CCAR1: variants seen among roughly 807,000 people sequenced by gnomAD.
The protein encoded by CCAR1 is cell division cycle and apoptosis regulator 1, also known as cell division cycle and apoptosis regulator protein 1.
A neutral mutation model predicts 163.8 loss-of-function variants in CCAR1; 78 were observed. The observed-to-expected ratio is 0.48, with a 90% CI of 0.40 to 0.57. The LOEUF is 0.57. Ranked by LOEUF, CCAR1 falls within the 20% of genes least tolerant of loss-of-function variation. The pLI is 0.00. For missense variants in CCAR1, 1,019 were observed against 1,365.2 expected (o/e 0.75, Z 4.00); for synonymous variants, 443 against 460.7 (o/e 0.96, Z 0.49).
Position 68,723,084 on chromosome 10 carries a change from T to G in CCAR1, c.73+507T>G, listed in dbSNP as rs530552188. Among the ~76,000 whole-genome samples the G allele has an allele frequency of 5.4e-5, 8 of 148,932 alleles. No individual in the cohort carries two copies. In the East Asian group the frequency reaches 5.8e-4, roughly 11 times the overall value. ...CATAGTAGTTTGGACAGTTTTGTAG[T>G]TTTTTTTTTCCCCAAACATTTATTT... On this transcript the variant is annotated intron_variant, in intron 2 of 24. Transcript: ENST00000265872.
At chr10:68,732,114 C>G (rs985753525) in intron 2 of CCAR1, among the ~76,000 whole-genome samples, 4 of 152,066 alleles carry the variant, frequency 2.6e-5, no homozygotes, top group Non-Finnish European at 5.9e-5. Context: ...GGAGTTGGTA[C>G]CAGCAGAGTG....
In CCAR1 at chr10:68,775,137, T is replaced by C. The variant is rs2056648307; in HGVS notation, c.2650+2038T>C. On this transcript the variant is annotated intron_variant, in intron 19 of 24. Coordinates refer to ENST00000265872, the MANE Select transcript of CCAR1 (RefSeq NM_018237.4). Reference sequence around the variant, plus strand: ...CAATAATTGTTAATATTTGTCTTGTTTTGTTTTTGTAACCCAGTTTAACAT... The same window carrying C: ...CAATAATTGTTAATATTTGTCTTGTCTTGTTTTTGTAACCCAGTTTAACAT... 4.9e-5 allele frequency: 10 copies of C among 204,236 alleles called. No homozygotes were observed. In the South Asian group the frequency reaches 6.6e-4, roughly 13 times the overall value. The allele number at this position is 204,236 out of a possible 1,614,324, so 12.7% of individuals were successfully genotyped here.
chr10:68,744,727 A>G (rs764025370), intron 6 of CCAR1, among the ~76,000 whole-genome samples: 1 of 152,148 alleles, frequency 6.6e-6, no homozygotes, highest in Non-Finnish European at 1.5e-5. Flanking sequence ...GAGAGATAAT[A>G]TCAGGGAAAT....
chr10:68,743,154 G>A (rs868077468), intron 6 of CCAR1, among the ~76,000 whole-genome samples: 1 of 150,948 alleles, frequency 6.6e-6, no homozygotes, highest in South Asian at 2.1e-4. Context: ...GGCTGGTCTT[G>A]ATAGGATAAT....
chr10:68,774,930 C>CTT, intron 19 of CCAR1: 1 of 372,324 alleles, frequency 2.7e-6, no homozygotes, highest in Non-Finnish European at 5.1e-6. Context: ...TATAAGAGTT[C>CTT]TTTTTGTTTT....
At chr10:68,780,343 C>T (rs1451902083) in intron 19 of CCAR1, among the ~76,000 whole-genome samples, 1 of 152,078 alleles carries the variant, frequency 6.6e-6, no homozygotes, top group African/African-American at 2.4e-5. Context: ...TACAGGTGTG[C>T]ACCACCACAC....
At chr10:68,782,670 T>C (rs543394603) in intron 19 of CCAR1, among the ~76,000 whole-genome samples, 1 of 152,294 alleles carries the variant, frequency 6.6e-6, no homozygotes, top group East Asian at 1.9e-4. Flanking sequence ...TCATTTACCA[T>C]TCCAAAAATC....
At chr10:68,729,700 CT>C (rs1431891495) in intron 2 of CCAR1, among the ~76,000 whole-genome samples, 1 of 71,792 alleles carries the variant, frequency 1.4e-5, no homozygotes, top group Non-Finnish European at 3.2e-5. Flanking sequence ...AAAACTCCGT[CT>C]TAAAAAAAAA....
At chr10:68,726,902 A>G (rs571953320) in intron 2 of CCAR1, among the ~76,000 whole-genome samples, 4 of 151,688 alleles carry the variant, frequency 2.6e-5, no homozygotes, top group African/African-American at 7.3e-5. Context: ...AGGCTGAGGC[A>G]GGAGAATCAC....
rs368868360 is a variant in CCAR1 at position 68,740,607 on chromosome 10, GTGTT to G, written c.292-20_292-17del. On this transcript the variant is annotated intron_variant, in intron 4 of 24. Coordinates refer to ENST00000265872, the MANE Select transcript of CCAR1 (RefSeq NM_018237.4). ...AATTCTGATTGACCCTTTTCTGTGT[GTGTT>G]TATTTTTCTGTTTTCAGTTACAGCA... 863 of 1,604,874 alleles carry G rather than the reference GTGTT, an allele frequency of 5.4e-4. 4 individuals are homozygous for G. The African/African-American group carries it at 0.01, about 19-fold the overall frequency.
intron 2 of CCAR1, among the ~76,000 whole-genome samples, chr10:68,730,211 C>T (rs908798289): frequency 2.0e-5 from 3 of 151,828 alleles, no homozygotes; most frequent in East Asian, 1.9e-4. Context: ...TGAGCTGCTG[C>T]GCCCAGCCCC....
rs151259644 is a variant in CCAR1 at position 68,788,131 on chromosome 10, TTTATA to T, written c.3002-6_3002-2del. The T allele has an allele frequency of 0.024, 37,782 of 1,546,092 alleles. 620 individuals carry two copies. The highest frequency in any genetic ancestry group is 0.065 in the Admixed American group (2,996 of 46,442). The stretch of plus-strand genomic sequence containing the variant: ...AATAACTTACTAAAATATGGTATAT[TTTATA>T]TTATAGGAAACAGATTATTACTTCC... On this transcript the variant is annotated splice_polypyrimidine_tract_variant and splice_region_variant and intron_variant, in intron 22 of 24. Transcript: ENST00000265872.
intron 21 of CCAR1, 85 bp from the exon 22 acceptor site, chr10:68,787,840 GAA>G (rs2056812886): frequency 7.4e-7 from 1 of 1,344,120 alleles, no homozygotes; most frequent in East Asian, 2.4e-5. Flanking sequence ...TTTCTCAAAA[GAA>G]AGTGAAAATT....
intron 19 of CCAR1, among the ~76,000 whole-genome samples, chr10:68,784,758 C>T (rs762344276): frequency 6.6e-6 from 1 of 151,944 alleles, no homozygotes; most frequent in African/African-American, 2.4e-5. Context: ...CATTATGTTG[C>T]CCAGGCTGAG....
At chr10:68,789,193 G>A (rs2056827305) in intron 23 of CCAR1, among the ~76,000 whole-genome samples, 1 of 151,968 alleles carries the variant, frequency 6.6e-6, no homozygotes, top group Non-Finnish European at 1.5e-5. Context: ...ACAGGCATGA[G>A]CCACTGCGCC....
At chr10:68,743,200 C>CT (rs567782298) in intron 6 of CCAR1, among the ~76,000 whole-genome samples, 318 of 132,724 alleles carry the variant, frequency 2.4e-3, no homozygotes, top group South Asian at 3.4e-3. Context: ...TTTTCTTTTT[C>CT]TTTTTTTTTT....
At chr10:68,754,555 TTGGG>T (rs2056375912) in intron 11 of CCAR1, among the ~76,000 whole-genome samples, 155 bp from the exon 12 acceptor site, 1 of 152,328 alleles carries the variant, frequency 6.6e-6, no homozygotes, top group East Asian at 1.9e-4. Context: ...TCCCAGCACT[TTGGG>T]AGGCTGAGGT....
intron 16 of CCAR1, among the ~76,000 whole-genome samples, chr10:68,765,053 C>T (rs990889682): frequency 2.6e-5 from 4 of 152,124 alleles, no homozygotes; most frequent in Admixed American, 2.6e-4. Context: ...TCTGCTCTTA[C>T]GTTTTGTTGT....
intron 20 of CCAR1, among the ~76,000 whole-genome samples, 163 bp from the exon 21 acceptor site, chr10:68,786,383 C>A (rs1250148622): frequency 6.6e-6 from 1 of 151,992 alleles, no homozygotes; most frequent in Non-Finnish European, 1.5e-5. Flanking sequence ...ATGTCTGATT[C>A]TTTTCTCTCA....
Sources: allele counts gnomAD v4.1 joint callset (sites outside exome capture counted in the v4.1 genomes callset), GRCh38; gene constraint gnomAD v4.1.1; transcripts MANE v1.5; gene names NCBI Gene and HGNC (gene_info 2026-07-23, HGNC 2026-07-21).